Variants in WFDC2 observed in about 807,000 individuals in gnomAD.
The protein encoded by WFDC2 is WAP four-disulfide core domain protein 2.
WFDC2 carries 8 observed loss-of-function variants against 12.5 expected under a neutral mutation model. The observed-to-expected ratio is 0.64, with a 90% CI of 0.37 to 1.15. WFDC2 has a LOEUF of 1.15. Ranked by LOEUF, WFDC2 falls within the 50% of genes most tolerant of loss-of-function variation. WFDC2 has a pLI of 0.01. For synonymous variants in WFDC2, 74 were observed against 67.2 expected (o/e 1.10, Z -0.49); for missense variants, 166 against 159.9 (o/e 1.04, Z -0.21).
In WFDC2 at chr20:45,470,452, A is replaced by G. The variant is rs374143870; in HGVS notation, c.143A>G (p.Glu48Gly). 1 of 1,595,718 alleles carries G rather than the reference A, an allele frequency of 6.3e-7. No homozygotes were observed. The highest frequency in any genetic ancestry group is 8.5e-7 in the Non-Finnish European group (1 of 1,170,444). Residue 48 changes from glutamate to glycine, a missense_variant, in exon 2 of 4, where the codon GAG becomes GGG. By Grantham distance (98) the Glu-to-Gly change is moderately conservative. Coordinates refer to ENST00000372676, the MANE Select transcript of WFDC2 (RefSeq NM_006103.4). This position sits in a 1 kb window ranked among gnomAD's most constrained non-coding sequence, Gnocchi z 5.4. The stretch of plus-strand genomic sequence containing the variant: ...CAGGCTGACCAGAACTGCACGCAAG[A>G]GTGCGTCTCGGACAGCGAATGCGCC... ...ELQADQNCTQ[E>G]CVSDSECADN...
intron 2 of WFDC2, among the ~76,000 whole-genome samples, chr20:45,476,711 T>G (rs184286811): frequency 5.9e-5 from 9 of 152,334 alleles, no homozygotes; most frequent in African/African-American, 2.2e-4. Context: ...AATTTGAATG[T>G]TGGCCTTTCT....
chr20:45,479,980 C>A lies in WFDC2; in HGVS notation c.262C>A (p.Pro88Thr), dbSNP rs1991281022. The change falls in exon 3 of 4, where the codon CCC (proline) becomes ACC (threonine). Residue 88 changes from proline (P) to threonine (T), a missense_variant. By Grantham distance (38) the Pro-to-Thr change is conservative. Transcript: ENST00000372676. ...CTGCCCCCAGGTGAACATTAACTTT[C>A]CCCAGCTCGGCCTCTGTCGGGACCA... Reference protein sequence around the residue: ...GSCPQVNINFPQLGLCRDQCQ... With the variant: ...GSCPQVNINFTQLGLCRDQCQ... The A allele has an allele frequency of 1.2e-6, 2 of 1,614,244 alleles. No individual in the cohort carries two copies. The highest frequency in any genetic ancestry group is 8.5e-7 in the Non-Finnish European group (1 of 1,180,040).
intron 2 of WFDC2, among the ~76,000 whole-genome samples, chr20:45,476,328 A>G (rs1458678219): frequency 6.6e-6 from 1 of 152,072 alleles, no homozygotes; most frequent in Non-Finnish European, 1.5e-5. Context: ...GTTCCTTTCT[A>G]TGTTTAGTGC....
At chr20:45,480,450 A>AG (rs1175590860) in intron 3 of WFDC2, among the ~76,000 whole-genome samples, 10 of 130,424 alleles carry the variant, frequency 7.7e-5, no homozygotes, top group African/African-American at 3.1e-4. Context: ...TACTAAAAAT[A>AG]CCAAAAAAAA....
intron 2 of WFDC2, among the ~76,000 whole-genome samples, chr20:45,478,835 C>A (rs1286235713): frequency 6.6e-6 from 1 of 152,112 alleles, no homozygotes; most frequent in Non-Finnish European, 1.5e-5. Context: ...CGAGTCCTGA[C>A]CTCCGATGAT....
At chr20:45,480,308 G>A (rs1991286407) in intron 3 of WFDC2, among the ~76,000 whole-genome samples, 1 of 152,040 alleles carries the variant, frequency 6.6e-6, no homozygotes, top group South Asian at 2.1e-4. Flanking sequence ...AGAGGGAACA[G>A]AATAAGCAAG....
chr20:45,475,768 C>T (rs1991225432), intron 2 of WFDC2, among the ~76,000 whole-genome samples: 2 of 152,174 alleles, frequency 1.3e-5, no homozygotes, highest in South Asian at 4.1e-4. Context: ...CTAATATTGA[C>T]AGTGGGGGTT....
chr20:45,477,082 T>A (rs906950867), intron 2 of WFDC2, among the ~76,000 whole-genome samples: 2 of 152,046 alleles, frequency 1.3e-5, no homozygotes, highest in African/African-American at 4.8e-5. Flanking sequence ...CCTATAACCT[T>A]TTTTCAAGGT....
chr20:45,478,343 G>C (rs775403999), intron 2 of WFDC2, among the ~76,000 whole-genome samples: 1 of 152,192 alleles, frequency 6.6e-6, no homozygotes, highest in Non-Finnish European at 1.5e-5. Context: ...CGTGGGAAAA[G>C]TGTAGTATCT....
chr20:45,476,150 A>T (rs1199330392), intron 2 of WFDC2, among the ~76,000 whole-genome samples: 2 of 152,164 alleles, frequency 1.3e-5, no homozygotes, highest in Non-Finnish European at 2.9e-5. Flanking sequence ...TTTGTCTTTT[A>T]ACTGGGGCAT....
In WFDC2 at chr20:45,479,927, C is replaced by T. The variant is rs1991280104; in HGVS notation, c.224-15C>T. The T allele has an allele frequency of 1.9e-6, 3 of 1,614,070 alleles. 1 individual carries two copies. The South Asian group carries it at 3.3e-5, about 18-fold the overall frequency. On this transcript the variant is annotated splice_polypyrimidine_tract_variant and intron_variant, in intron 2 of 3. Coordinates refer to ENST00000372676, the MANE Select transcript of WFDC2 (RefSeq NM_006103.4). ...TCGCCTCTGCCCACTTACCCTTACT[C>T]CTTTTTCTACCCAGATAAGGAGGGT...
At chr20:45,469,886 C>G (rs1991143346) in intron 1 of WFDC2, 26 bp downstream of exon 1, 1 of 1,582,160 alleles carries the variant, frequency 6.3e-7, no homozygotes, top group African/African-American at 1.3e-5. Context: ...AGAGGCCCGG[C>G]GCCTAGAGGG....
chr20:45,481,072 G>T (rs1991295548), intron 3 of WFDC2, among the ~76,000 whole-genome samples: 1 of 152,126 alleles, frequency 6.6e-6, no homozygotes, highest in African/African-American at 2.4e-5. Context: ...GAGAGAAATG[G>T]CCATGACCCC....
chr20:45,477,424 AG>A (rs1991246297), intron 2 of WFDC2, among the ~76,000 whole-genome samples: 1 of 152,158 alleles, frequency 6.6e-6, no homozygotes, highest in South Asian at 2.1e-4. Context: ...TCTAACAATC[AG>A]GCCCCTCAGC....
intron 2 of WFDC2, among the ~76,000 whole-genome samples, chr20:45,471,745 C>T (rs1161585271): frequency 6.6e-6 from 1 of 152,172 alleles, no homozygotes. Flanking sequence ...GTTCCCTTAT[C>T]TCAGATGGAC....
chr20:45,478,840 G>T (rs749592197), intron 2 of WFDC2, among the ~76,000 whole-genome samples: 5 of 152,000 alleles, frequency 3.3e-5, no homozygotes, highest in African/African-American at 1.2e-4. Context: ...CCTGACCTCC[G>T]ATGATCCCAC....
intron 2 of WFDC2, among the ~76,000 whole-genome samples, chr20:45,478,541 T>C (rs1366141290): frequency 2.6e-5 from 4 of 152,120 alleles, no homozygotes; most frequent in Non-Finnish European, 4.4e-5. Flanking sequence ...CATTTGAAAA[T>C]GCAGAAATCA....
At chr20:45,479,566 G>A in intron 2 of WFDC2, 1 of 1,096,316 alleles carries the variant, frequency 9.1e-7, no homozygotes. Context: ...TAACTACAGA[G>A]TAGTTTGATA....
chr20:45,480,326 C>G (rs1301995093), intron 3 of WFDC2, among the ~76,000 whole-genome samples: 3 of 151,940 alleles, frequency 2.0e-5, no homozygotes, highest in Non-Finnish European at 1.5e-5. Flanking sequence ...AAGAGCTTGG[C>G]TGGGTGTGGT....
Sources: allele counts gnomAD v4.1 joint callset (sites outside exome capture counted in the v4.1 genomes callset), GRCh38; gene constraint gnomAD v4.1.1; non-coding constraint Gnocchi (gnomAD v3.1); transcripts MANE v1.5; gene names NCBI Gene and HGNC (gene_info 2026-07-23, HGNC 2026-07-21).